MTFR1L: variants seen among roughly 807,000 people sequenced by gnomAD.
The protein encoded by MTFR1L is mitochondrial fission regulator 1-like.
In MTFR1L, 10 loss-of-function variants were observed where a neutral mutation model predicts 27.9. The ratio of observed to expected loss-of-function variants is 0.36; its 90% CI spans 0.22 to 0.61. MTFR1L has a LOEUF of 0.61. Ranked by LOEUF, MTFR1L falls within the 20% of genes least tolerant of loss-of-function variation. The pLI is 0.73. For synonymous variants in MTFR1L, 151 were observed against 139.4 expected (o/e 1.08, Z -0.58); for missense variants, 315 against 363.7 (o/e 0.87, Z 1.09).
At position 25,823,730 on chromosome 1, in the gene MTFR1L, T is replaced by C; in HGVS notation, c.111T>C (p.Cys37=). 1 of 1,614,080 alleles carries C rather than the reference T, an allele frequency of 6.2e-7. No homozygotes were observed. The highest frequency in any genetic ancestry group is 8.5e-7 in the Non-Finnish European group (1 of 1,179,966). The part of the protein sequence containing the change: ...RIGTNLPLKP[C]ARASFETLPN... ...GGACCAACCTACCCTTGAAGCCGTGTGCCCGGGCGTCCTTTGAGGTGAGTA... is the reference window on the plus strand; with the variant it reads ...GGACCAACCTACCCTTGAAGCCGTGCGCCCGGGCGTCCTTTGAGGTGAGTA... The change falls in exon 3 of 7, where the codon TGT becomes TGC. Residue 37 remains cysteine, a synonymous_variant. Coordinates refer to ENST00000374303, the MANE Select transcript of MTFR1L (RefSeq NM_001099625.2).
At position 25,826,704 on chromosome 1, in the gene MTFR1L, C is replaced by T; in HGVS notation, c.329C>T (p.Ser110Phe). Residue 110 changes from serine (S) to phenylalanine (F), a missense_variant, in exon 5 of 7, where the codon TCC (serine) becomes TTC (phenylalanine). Ser to Phe is a radical substitution (Grantham distance 155, BLOSUM62 -2). Transcript: ENST00000374303. This position sits in a 1 kb window ranked among gnomAD's most constrained non-coding sequence, Gnocchi z 4.1. The part of the protein sequence containing the change: ...RNASVPNLRG[S>F]EERLLALKKP... ...GCCTCTGTTCCCAACCTGCGTGGGT[C>T]CGAGGAGAGGCTTCTGGCCCTGAAG... The T allele has an allele frequency of 1.2e-6, 2 of 1,614,024 alleles. No homozygotes were observed. Among genetic ancestry groups the T allele is most frequent in the Non-Finnish European group, 1.7e-6 (2 of 1,179,956 alleles).
intron 3 of MTFR1L, among the ~76,000 whole-genome samples, chr1:25,824,345 C>T (rs1195446954): frequency 6.6e-6 from 1 of 152,208 alleles, no homozygotes; most frequent in African/African-American, 2.4e-5. Flanking sequence ...GAGACCCCTT[C>T]TGTGGTAGAA....
intron 2 of MTFR1L, chr1:25,823,381 C>G: frequency 1.4e-6 from 1 of 719,630 alleles, no homozygotes; most frequent in Non-Finnish European, 2.5e-6. Context: ...TCTCTACACT[C>G]AGCTACTTCC....
In MTFR1L at chr1:25,825,114, C is replaced by G. The variant is rs1185733274; in HGVS notation, c.130-1188C>G. ...TTCCTGGGTCACTGGAAGTTCTTCT[C>G]TGTGTGACCTTGGAGTATCACTTAA... On this transcript the variant is annotated intron_variant, in intron 3 of 6. Transcript: ENST00000374303. 1.3e-5 allele frequency among the ~76,000 whole-genome samples: 2 copies of G among 152,186 alleles called. 1 individual carries two copies. Among genetic ancestry groups the G allele is most frequent in the African/African-American group, 4.8e-5 (2 of 41,454 alleles).
chr1:25,832,113 A>C lies in MTFR1L; in HGVS notation c.*87A>C, dbSNP rs1557446655. 1 of 1,605,800 alleles carries C rather than the reference A, an allele frequency of 6.2e-7. No individual in the cohort carries two copies. Among genetic ancestry groups the C allele is most frequent in the Non-Finnish European group, 8.5e-7 (1 of 1,176,954 alleles). On this transcript the variant is annotated 3_prime_UTR_variant, in exon 7 of 7. Coordinates refer to ENST00000374303, the MANE Select transcript of MTFR1L (RefSeq NM_001099625.2). ...TCACCGCAGATGTTTCTGCCTCTTAAGGATAGATCTTCTGCAACAGTCTTG... is the reference window on the plus strand; with the variant it reads ...TCACCGCAGATGTTTCTGCCTCTTACGGATAGATCTTCTGCAACAGTCTTG...
chr1:25,829,457 C>A, intron 5 of MTFR1L, 52 bp from the exon 6 acceptor site: 1 of 1,494,022 alleles, frequency 6.7e-7, no homozygotes, highest in Non-Finnish European at 9.2e-7. Context: ...GAAGATATTG[C>A]TACTGTGTTC....
intron 1 of MTFR1L, chr1:25,822,695 T>G: frequency 1.9e-5 from 7 of 368,888 alleles, no homozygotes; most frequent in Non-Finnish European, 2.0e-5. Flanking sequence ...CCTGGCTAAT[T>G]TTTTGTATTT....
chr1:25,820,644 G>A, intron 1 of MTFR1L: 1 of 415,886 alleles, frequency 2.4e-6, no homozygotes, highest in Non-Finnish European at 4.7e-6. Context: ...CCTCCGGAGG[G>A]CTGCGGGGCG....
At chr1:25,824,339 C>T (rs1260219247) in intron 3 of MTFR1L, among the ~76,000 whole-genome samples, 1 of 152,190 alleles carries the variant, frequency 6.6e-6, no homozygotes, top group African/African-American at 2.4e-5. Flanking sequence ...TCTCTTGAGA[C>T]CCCTTCTGTG....
At position 25,832,419 on chromosome 1, in the gene MTFR1L, T is replaced by G; in HGVS notation, c.*393T>G. 2.0e-6 allele frequency: 1 copy of G among 496,480 alleles called. No homozygotes were observed. The highest frequency in any genetic ancestry group is 3.6e-5 in the East Asian group (1 of 27,722). The allele number at this position is 496,480 out of a possible 1,614,324, so 30.8% of individuals were successfully genotyped here. A position where few individuals can be genotyped will look rare whatever the true frequency, so the allele number is the denominator to read the frequency against. ...GCCCAGCTGTCACTCACTCAGCAGC[T>G]TCCTTGCAGCAGAGCAGGGCTGAGG... On this transcript the variant is annotated 3_prime_UTR_variant, in exon 7 of 7. Coordinates refer to ENST00000374303, the MANE Select transcript of MTFR1L (RefSeq NM_001099625.2).
At chr1:25,820,390 G>A (rs1374781014) in intron 1 of MTFR1L, 1 of 453,884 alleles carries the variant, frequency 2.2e-6, no homozygotes. Context: ...GGCAGGCGGC[G>A]AGCACTTGGC....
chr1:25,822,926 T>C, intron 1 of MTFR1L, 93 bp from the exon 2 acceptor site: 1 of 1,065,662 alleles, frequency 9.4e-7, no homozygotes, highest in African/African-American at 1.5e-5. Context: ...GTCATGGCTC[T>C]GCAGGGCCTG....
chr1:25,832,053 T>C lies in MTFR1L; in HGVS notation c.*27T>C. 6.2e-7 allele frequency: 1 copy of C among 1,614,032 alleles called. No individual in the cohort carries two copies. The highest frequency in any genetic ancestry group is 8.5e-7 in the Non-Finnish European group (1 of 1,179,974). Reference sequence around the variant, plus strand: ...AACCCTCAGCTCTGCAAACTCAGTCTCATGCTCCTGGAATACCTTCAATAG... The same window carrying C: ...AACCCTCAGCTCTGCAAACTCAGTCCCATGCTCCTGGAATACCTTCAATAG... On this transcript the variant is annotated 3_prime_UTR_variant, in exon 7 of 7. Coordinates refer to ENST00000374303, the MANE Select transcript of MTFR1L (RefSeq NM_001099625.2).
rs1416750282 is a variant in MTFR1L, at chr1:25,829,547, A to G, written c.490A>G (p.Ser164Gly). ...AACGCCAGATTTCTTATCTCCAGGA[A>G]GTTCAAATGTCTCTTCTCCCTTACC... ...SLTPDFLSPG[S>G]SNVSSPLPCF... Residue 164 changes from serine (S) to glycine (G), a missense_variant, in exon 6 of 7, where the codon AGT (serine) becomes GGT (glycine). Physicochemically the swap from Ser to Gly is moderately conservative, Grantham distance 56 (BLOSUM62 0). Transcript: ENST00000374303. 1.2e-6 allele frequency: 2 copies of G among 1,613,908 alleles called. No homozygotes were observed. Among genetic ancestry groups the G allele is most frequent in the Non-Finnish European group, 1.7e-6 (2 of 1,179,960 alleles).
chr1:25,826,563 A>T lies in MTFR1L; in HGVS notation c.240-52A>T. 1 of 1,607,196 alleles carries T rather than the reference A, an allele frequency of 6.2e-7. No homozygotes were observed. The highest frequency in any genetic ancestry group is 1.7e-5 in the Admixed American group (1 of 59,956). ...CAGAAGTGGGGGAAGGAACCTTAGG[A>T]GCACAGTGGCCTGCTGTCTCTAACT... On this transcript the variant is annotated intron_variant, in intron 4 of 6. Coordinates refer to ENST00000374303, the MANE Select transcript of MTFR1L (RefSeq NM_001099625.2). The surrounding 1 kb of genome is among the most constrained non-coding windows in gnomAD (Gnocchi z 4.1).
At position 25,826,489 on chromosome 1, in the gene MTFR1L, T is replaced by C. The variant is rs2048169757; in HGVS notation, c.239+78T>C. On this transcript the variant is annotated intron_variant, in intron 4 of 6. Coordinates refer to ENST00000374303, the MANE Select transcript of MTFR1L (RefSeq NM_001099625.2). The surrounding 1 kb of genome is among the most constrained non-coding windows in gnomAD (Gnocchi z 4.1). ...GTGGCAGGCAGCAAGGAGAGAGGAA[T>C]GAGAACTGTGGGCTCAGAGAGGAGC... 6.3e-7 allele frequency: 1 copy of C among 1,585,646 alleles called. No individual in the cohort carries two copies. Among genetic ancestry groups the C allele is most frequent in the Non-Finnish European group, 8.7e-7 (1 of 1,154,638 alleles).
intron 6 of MTFR1L, 130 bp downstream of exon 6, chr1:25,829,960 A>C (rs1228066345): frequency 1.7e-5 from 17 of 981,788 alleles, no homozygotes; most frequent in Admixed American, 1.5e-4. Flanking sequence ...AAGCTTGCTG[A>C]CTACCTGCTT....
chr1:25,820,705 C>A (rs762416030), intron 1 of MTFR1L: 52 of 433,858 alleles, frequency 1.2e-4, no homozygotes, highest in Non-Finnish European at 2.0e-4. Context: ...GGAAGATCTT[C>A]TAGCCAGTGA....
chr1:25,828,580 CAG>C (rs2048198075), intron 5 of MTFR1L, among the ~76,000 whole-genome samples: 1 of 149,500 alleles, frequency 6.7e-6, no homozygotes, highest in South Asian at 2.1e-4. Flanking sequence ...AAAAAAAAAA[CAG>C]TGGTCTATTA....
Sources: allele counts gnomAD v4.1 joint callset (sites outside exome capture counted in the v4.1 genomes callset), GRCh38; gene constraint gnomAD v4.1.1; non-coding constraint Gnocchi (gnomAD v3.1); transcripts MANE v1.5; gene names NCBI Gene and HGNC (gene_info 2026-07-23, HGNC 2026-07-21).